Variants in RIPOR2 observed in about 807,000 individuals in gnomAD.
RIPOR2 encodes the protein RHO family interacting cell polarization regulator 2.
RIPOR2 carries 39 observed loss-of-function variants against 114.5 expected under a neutral mutation model. The observed-to-expected ratio is 0.34, with a 90% confidence interval of 0.26 to 0.44. RIPOR2 has a LOEUF of 0.44. RIPOR2 is among the 20% of genes least tolerant of loss of function. The pLI, the probability that RIPOR2 is intolerant of heterozygous loss-of-function variation, is 1.00. For synonymous variants in RIPOR2, 445 were observed against 484.4 expected (o/e 0.92, Z 1.07); for missense variants, 1,007 against 1,255.1 (o/e 0.80, Z 2.99).
At chr6:25,019,692 T>C (rs1020163896) in intron 1 of RIPOR2, among the ~76,000 whole-genome samples, 17 of 145,484 alleles carry the variant, frequency 1.2e-4, no homozygotes, top group African/African-American at 4.4e-4. Context: ...GGAGAATCAC[T>C]TGGACCTGGG....
intron 1 of RIPOR2, among the ~76,000 whole-genome samples, chr6:24,960,766 G>A (rs773551291): frequency 6.6e-6 from 1 of 152,130 alleles, no homozygotes; most frequent in Non-Finnish European, 1.5e-5. Context: ...CCAGGCTCAA[G>A]TGATCCACCT....
rs1220506411 is a variant in RIPOR2 at position 24,844,951 on chromosome 6, GA to G, written c.1165-1398del. ...AAATGCAGTGAAGAGCAGAAGGGAA[GA>G]CAAAGGCTCCCCTTCCTCCTCCAGC... On this transcript the variant is annotated intron_variant, in intron 12 of 21. Transcript: ENST00000643898. 3.3e-5 allele frequency among the ~76,000 whole-genome samples: 5 copies of G among 152,056 alleles called. No individual in the cohort carries two copies. In the East Asian group the frequency reaches 9.6e-4, roughly 29 times the overall value.
intron 15 of RIPOR2, among the ~76,000 whole-genome samples, chr6:24,833,309 T>C (rs1760825732): frequency 6.6e-6 from 1 of 152,072 alleles, no homozygotes; most frequent in Admixed American, 6.6e-5. Context: ...GAGACCATCC[T>C]GGCCAACATG....
intron 10 of RIPOR2, among the ~76,000 whole-genome samples, chr6:24,850,246 G>A (rs1053826213): frequency 1.3e-5 from 2 of 151,560 alleles, no homozygotes; most frequent in Non-Finnish European, 1.5e-5. Flanking sequence ...ACAGGCACAC[G>A]GACCACGTCT....
intron 1 of RIPOR2, among the ~76,000 whole-genome samples, chr6:24,903,385 A>T (rs1768662107): frequency 2.0e-5 from 3 of 152,206 alleles, no homozygotes. Flanking sequence ...GTATCAGAGT[A>T]TCAGAGTCAC....
chr6:24,927,115 T>TCACCACCACCACA (rs1561782315), intron 1 of RIPOR2, among the ~76,000 whole-genome samples: 13 of 662 alleles, frequency 0.02, 1 homozygote, highest in Admixed American at 0.052. Context: ...CCACCATGAT[T>TCACCACCACCACA]ATTATAATCA....
chr6:24,978,643 A>G (rs939573981), intron 1 of RIPOR2, among the ~76,000 whole-genome samples: 3 of 152,036 alleles, frequency 2.0e-5, no homozygotes, highest in African/African-American at 7.3e-5. Flanking sequence ...TGGTGAATGG[A>G]GGTTGGGAAT....
At chr6:24,807,235 G>A (rs1429937266) in intron 21 of RIPOR2, among the ~76,000 whole-genome samples, 1 of 152,212 alleles carries the variant, frequency 6.6e-6, no homozygotes, top group Non-Finnish European at 1.5e-5. Flanking sequence ...GGGAAGCCAA[G>A]GTGAGTGGAT....
At chr6:25,019,356 TA>T (rs1450399507) in intron 1 of RIPOR2, among the ~76,000 whole-genome samples, 1 of 152,104 alleles carries the variant, frequency 6.6e-6, no homozygotes, top group East Asian at 1.9e-4. Flanking sequence ...TTAGGAGCCT[TA>T]AAAAACGTAT....
intron 6 of RIPOR2, 87 bp downstream of exon 6, chr6:24,869,007 C>T (rs1342946371): frequency 3.5e-5 from 24 of 686,026 alleles, no homozygotes; most frequent in Middle Eastern, 4.9e-4. Flanking sequence ...AAGTTCTCCA[C>T]GCACTAGATA....
intron 1 of RIPOR2, among the ~76,000 whole-genome samples, chr6:25,026,200 C>T (rs9295644): frequency 0.21 from 31,943 of 152,036 alleles, 4,137 homozygotes; most frequent in East Asian, 0.59. Context: ...TTCTGTACTG[C>T]ATGATTAATT....
At chr6:24,962,635 T>C (rs1009827268) in intron 1 of RIPOR2, among the ~76,000 whole-genome samples, 5 of 149,774 alleles carry the variant, frequency 3.3e-5, no homozygotes, top group African/African-American at 1.3e-4. Flanking sequence ...AGAAACTTCA[T>C]GGTTTTTTTT....
intron 1 of RIPOR2, among the ~76,000 whole-genome samples, chr6:24,979,279 A>G (rs1774195212): frequency 7.1e-6 from 1 of 140,036 alleles, no homozygotes; most frequent in Non-Finnish European, 1.5e-5. Context: ...ATGATAGGGA[A>G]ATTCTTTTTT....
At chr6:24,973,595 CAA>C (rs61341684) in intron 1 of RIPOR2, among the ~76,000 whole-genome samples, 17 of 129,312 alleles carry the variant, frequency 1.3e-4, no homozygotes, top group Non-Finnish European at 1.4e-4. Flanking sequence ...GACTGCATCT[CAA>C]AAAAAAAAAA....
chr6:24,877,017 T>C lies in RIPOR2; in HGVS notation c.62-1200A>G, dbSNP rs927559493. 4.9e-5 allele frequency: 48 copies of C among 985,298 alleles called. No homozygotes were observed. The East Asian group carries it at 1.0e-3, about 21-fold the overall frequency. 61.0% of individuals were successfully genotyped at this position (985,298 alleles called of 1,614,324 possible). A position where few individuals can be genotyped will look rare whatever the true frequency, so the allele number is the denominator to read the frequency against. On this transcript the variant is annotated intron_variant, in intron 1 of 21. Transcript: ENST00000643898. Reference sequence around the variant, plus strand: ...GCTAGCAGGAAAAAGGGTAAATAGTTACTGCCCAGATTGAAGACTCCAAAG... The same window carrying C: ...GCTAGCAGGAAAAAGGGTAAATAGTCACTGCCCAGATTGAAGACTCCAAAG...
chr6:24,897,070 T>C (rs1767949367), intron 1 of RIPOR2, among the ~76,000 whole-genome samples: 1 of 152,224 alleles, frequency 6.6e-6, no homozygotes, highest in Non-Finnish European at 1.5e-5. Context: ...ATTTTCTTTT[T>C]GAAGAACGCC....
chr6:25,040,179 A>C (rs183770787), intron 1 of RIPOR2, among the ~76,000 whole-genome samples: 3 of 151,710 alleles, frequency 2.0e-5, no homozygotes, highest in East Asian at 3.9e-4. Flanking sequence ...ACAATGGCAC[A>C]ATCTCCGCTC....
At chr6:24,887,885 T>G (rs1160213281) in intron 1 of RIPOR2, among the ~76,000 whole-genome samples, 2 of 152,164 alleles carry the variant, frequency 1.3e-5, no homozygotes, top group Non-Finnish European at 2.9e-5. Flanking sequence ...AGAGAAATGA[T>G]TCAGGGCATA....
At chr6:24,838,231 T>C (rs1233207499) in intron 14 of RIPOR2, among the ~76,000 whole-genome samples, 1 of 152,144 alleles carries the variant, frequency 6.6e-6, no homozygotes, top group African/African-American at 2.4e-5. Context: ...TCTTACATTC[T>C]ACAAGAAATA....
Sources: gnomAD v4.1 joint callset for allele counts (sites outside exome capture counted in the v4.1 genomes callset) on GRCh38, gnomAD v4.1.1 for gene constraint, MANE v1.5 for transcripts, NCBI Gene and HGNC (gene_info 2026-07-23, HGNC 2026-07-21) for gene names.